RNF17: variants seen among roughly 807,000 people sequenced by gnomAD.
The protein encoded by RNF17 is ring finger protein 17.
Under a neutral mutation model 200.5 loss-of-function variants are expected in RNF17, and 31 were observed. The observed-to-expected ratio is 0.15, with a 90% CI of 0.12 to 0.21. The LOEUF is 0.21. RNF17 is among the 10% of genes least tolerant of loss of function. The probability of loss-of-function intolerance (pLI) is 1.00; values close to 1 mark genes in which losing one functional copy is unlikely to be tolerated. For missense variants in RNF17, 1,628 were observed against 1,905.1 expected (o/e 0.85, Z 2.71); for synonymous variants, 606 against 637.8 (o/e 0.95, Z 0.75).
the RNF17 span, chr13:24,885,330 T>G: frequency 6.2e-7 from 1 of 1,613,980 alleles, no homozygotes; most frequent in Non-Finnish European, 8.5e-7. Flanking sequence ...CCTCCTCCTC[T>G]TTATATTCAG....
At chr13:24,869,934 AT>A (rs34196797) in intron 31 of RNF17, among the ~76,000 whole-genome samples, 19,789 of 83,594 alleles carry the variant, frequency 0.24, 775 homozygotes, top group Admixed American at 0.29. Context: ...TGCCCAGCTA[AT>A]TTTTTTTTTT....
At chr13:24,775,241 A>C (rs1340708532) in intron 3 of RNF17, among the ~76,000 whole-genome samples, 1 of 152,160 alleles carries the variant, frequency 6.6e-6, no homozygotes, top group African/African-American at 2.4e-5. Context: ...TCTTTTTAAA[A>C]ATTTTTAAAA....
chr13:24,849,970 A>C (rs1182021544), intron 22 of RNF17, among the ~76,000 whole-genome samples: 1 of 152,230 alleles, frequency 6.6e-6, no homozygotes, highest in Admixed American at 6.5e-5. Context: ...GATGATGCAC[A>C]TAACACATCA....
In RNF17 at chr13:24,788,101, A is replaced by G. The variant is rs567861279; in HGVS notation, c.725A>G (p.Asn242Ser). Reference protein sequence around the residue: ...EKKNNLNAAMNIARALQLSPS... With the variant: ...EKKNNLNAAMSIARALQLSPS... ...AAAAATAATTTGAATGCAGCTATGA[A>G]CATAGCAAGAGCATTACAATTATCG... The change falls in exon 7 of 36, where the codon AAC (asparagine) becomes AGC (serine). Residue 242 changes from asparagine to serine, a missense_variant. Asn to Ser is a conservative substitution (Grantham distance 46, BLOSUM62 1). Coordinates refer to ENST00000255324, the MANE Select transcript of RNF17 (RefSeq NM_031277.3). 9 of 1,597,818 alleles carry G rather than the reference A, an allele frequency of 5.6e-6. No individual in the cohort carries two copies. In the South Asian group the frequency reaches 9.1e-5, roughly 16 times the overall value.
At chr13:24,792,883 A>T (rs943435021) in intron 9 of RNF17, among the ~76,000 whole-genome samples, 159 bp from the exon 10 acceptor site, 6 of 152,284 alleles carry the variant, frequency 3.9e-5, no homozygotes, top group African/African-American at 1.4e-4. Context: ...AAAAATATGG[A>T]GTAGAATGGA....
Position 24,859,044 on chromosome 13 carries a change from A to C in RNF17, c.3654A>C (p.Leu1218Phe). Residue 1218 changes from leucine to phenylalanine, a missense_variant, in exon 26 of 36, where the codon TTA becomes TTC. Leu to Phe is a conservative substitution (Grantham distance 22). This residue lies in a region of RNF17 where 609 missense variants were observed against 681.9 expected (regional missense o/e 0.89). Coordinates refer to ENST00000255324, the MANE Select transcript of RNF17 (RefSeq NM_031277.3). The part of the protein sequence containing the change: ...IKMTNEIQSN[L>F]KCLGLLEPYF... ...TGACAAATGAAATTCAAAGTAATTT[A>C]AAATGCCTTGGTCTTTTGGAGCCTT... 1 of 1,602,170 alleles carries C rather than the reference A, an allele frequency of 6.2e-7. No individual in the cohort carries two copies. Among genetic ancestry groups the C allele is most frequent in the Middle Eastern group, 1.7e-4 (1 of 6,032 alleles).
chr13:24,852,346 G>A (rs960103853), intron 24 of RNF17, among the ~76,000 whole-genome samples: 4 of 152,042 alleles, frequency 2.6e-5, no homozygotes, highest in East Asian at 1.9e-4. Flanking sequence ...CACCGTGTTA[G>A]CCAGGATGGC....
chr13:24,782,619 T>C (rs1882555450), intron 6 of RNF17, among the ~76,000 whole-genome samples: 1 of 151,832 alleles, frequency 6.6e-6, no homozygotes. Flanking sequence ...GGGGGGATCT[T>C]TGAGCTCAGG....
intron 26 of RNF17, among the ~76,000 whole-genome samples, chr13:24,860,786 A>G (rs1270662800): frequency 6.6e-6 from 1 of 152,198 alleles, no homozygotes; most frequent in Non-Finnish European, 1.5e-5. Context: ...CCTTTTTACA[A>G]TGAGGTTTGA....
At chr13:24,751,046 A>G in the RNF17 span, 1 of 152,188 alleles carries the variant, frequency 6.6e-6, no homozygotes, top group Admixed American at 6.6e-5. Context: ...CCTAAAAAGT[A>G]AACTCCATGA....
At chr13:24,809,671 G>A (rs1886353112) in intron 15 of RNF17, among the ~76,000 whole-genome samples, 1 of 151,832 alleles carries the variant, frequency 6.6e-6, no homozygotes, top group Non-Finnish European at 1.5e-5. Context: ...GTTATTTCTT[G>A]CCTTCTGCTA....
chr13:24,780,475 CAG>C (rs1043466555), intron 5 of RNF17, among the ~76,000 whole-genome samples: 5 of 152,172 alleles, frequency 3.3e-5, no homozygotes, highest in African/African-American at 9.7e-5. Flanking sequence ...CAACTAAAAA[CAG>C]AGTGTTCTCT....
intron 2 of RNF17, among the ~76,000 whole-genome samples, chr13:24,773,677 G>C (rs1046875322): frequency 6.6e-6 from 1 of 152,152 alleles, no homozygotes; most frequent in Non-Finnish European, 1.5e-5. Context: ...ACCTGTACAC[G>C]TACCCCTTGA....
At chr13:24,884,942 A>C in the RNF17 span, among the ~76,000 whole-genome samples, 2,940 of 152,268 alleles carry the variant, frequency 0.019, 80 homozygotes, top group African/African-American at 0.066. Context: ...CAGTTTTCCC[A>C]CTAAGAAACT....
chr13:24,788,848 A>G (rs1883467422), intron 7 of RNF17, among the ~76,000 whole-genome samples: 1 of 152,168 alleles, frequency 6.6e-6, no homozygotes, highest in African/African-American at 2.4e-5. Context: ...AATCAGGTGT[A>G]TAGAAGAGAA....
Position 24,778,021 on chromosome 13 carries a change from G to T in RNF17, c.318-274G>T, listed in dbSNP as rs954697801. Among the ~76,000 whole-genome samples the T allele has an allele frequency of 6.3e-4, 96 of 152,146 alleles. 1 individual carries two copies. The highest frequency in any genetic ancestry group is 2.9e-5 in the Non-Finnish European group (2 of 68,038). On this transcript the variant is annotated intron_variant, in intron 3 of 35. Coordinates refer to ENST00000255324, the MANE Select transcript of RNF17 (RefSeq NM_031277.3). Reference sequence around the variant, plus strand: ...TCACACCTATAATCCCAGCACTTTGGGGGGCCGAGGTGGGTAGATCACTTG... The same window carrying T: ...TCACACCTATAATCCCAGCACTTTGTGGGGCCGAGGTGGGTAGATCACTTG...
chr13:24,846,701 A>T (rs1426439953), intron 22 of RNF17, among the ~76,000 whole-genome samples: 2 of 152,010 alleles, frequency 1.3e-5, no homozygotes, highest in African/African-American at 4.8e-5. Context: ...CTGATGAGCT[A>T]AAAAAAATTG....
At chr13:24,874,569 C>T (rs746391287) in intron 33 of RNF17, among the ~76,000 whole-genome samples, 1 of 151,890 alleles carries the variant, frequency 6.6e-6, no homozygotes, top group African/African-American at 2.4e-5. Flanking sequence ...GCCACCATCC[C>T]GGCTAATTTT....
intron 6 of RNF17, 51 bp downstream of exon 6, chr13:24,781,995 A>C (rs1882443040): frequency 1.1e-5 from 12 of 1,133,286 alleles, no homozygotes; most frequent in Middle Eastern, 1.9e-4. Context: ...TCTAACACTA[A>C]CTTGTCATTG....
Sources: gnomAD v4.1 joint callset for allele counts (sites outside exome capture counted in the v4.1 genomes callset) on GRCh38, gnomAD v4.1.1 for gene constraint, gnomAD v4.1.1 regional missense constraint, MANE v1.5 for transcripts, NCBI Gene and HGNC (gene_info 2026-07-23, HGNC 2026-07-21) for gene names.